RBM12: variants seen among roughly 807,000 people sequenced by gnomAD.
The protein encoded by RBM12 is RNA binding motif protein 12, also known as RNA-binding protein 12.
A neutral mutation model predicts 37.2 loss-of-function variants in RBM12; 24 were observed. That is an observed-to-expected ratio of 0.65 (90% CI 0.47 to 0.91). The LOEUF (loss-of-function observed/expected upper bound fraction) is 0.91, where lower values mean the gene tolerates loss of function less well. Ranked by LOEUF, RBM12 falls within the 40% of genes least tolerant of loss-of-function variation. RBM12 has a pLI of 0.00. For synonymous variants in RBM12, 420 were observed against 425.2 expected (o/e 0.99, Z 0.15); for missense variants, 1,061 against 1,183.2 (o/e 0.90, Z 1.52).
chr20:35,657,097 C>T (rs535930961), intron 2 of RBM12, among the ~76,000 whole-genome samples: 26 of 152,202 alleles, frequency 1.7e-4, no homozygotes, highest in African/African-American at 6.0e-4. Context: ...AATAAAAAGC[C>T]ACCTTCAAAT....
chr20:35,660,448 A>G (rs116116113), intron 1 of RBM12, among the ~76,000 whole-genome samples: 4,882 of 152,002 alleles, frequency 0.032, 268 homozygotes, highest in African/African-American at 0.11. Flanking sequence ...TTAACTCCTC[A>G]CCTCAAGTGA....
In RBM12 at chr20:35,653,454, A is replaced by G; in HGVS notation, c.1869T>C (p.Asp623=). 1 of 1,614,098 alleles carries G rather than the reference A, an allele frequency of 6.2e-7. No individual in the cohort carries two copies. Among genetic ancestry groups the G allele is most frequent in the Non-Finnish European group, 8.5e-7 (1 of 1,180,000 alleles). The change falls in exon 3 of 3, where the codon GAT becomes GAC. Residue 623 remains aspartate (D), a synonymous_variant. Transcript: ENST00000374114. ...GGGGATTTTTCTCAATCTCTCTCAT[A>G]TCTTCTAGGGTAACTACATGAACAA... The part of the protein sequence containing the change: ...EAFVHVVTLE[D]MREIEKNPPA...
chr20:35,652,695 A>G lies in RBM12; in HGVS notation c.2628T>C (p.Phe876=). ...AGCCTGGGATTACTTGATAGCCATA[A>G]AAGAAATCTAAAATCTCATCAATAG... ...TVSIDEILDF[F]YGYQVIPGSV... The change falls in exon 3 of 3, where the codon TTT becomes TTC. Residue 876 remains phenylalanine (F), a synonymous_variant. Coordinates refer to ENST00000374114, the MANE Select transcript of RBM12 (RefSeq NM_006047.6). The G allele has an allele frequency of 6.2e-7, 1 of 1,614,156 alleles. No individual in the cohort carries two copies. The highest frequency in any genetic ancestry group is 1.1e-5 in the South Asian group (1 of 91,082).
In RBM12 at chr20:35,649,902, C is replaced by A. The variant is rs2033385678; in HGVS notation, c.*2622G>T. ...TCATGATAGTGTTTACAAATGCACA[C>A]AACTTTGAGCAAAGCTTTACAAATC... On this transcript the variant is annotated 3_prime_UTR_variant, in exon 3 of 3. Coordinates refer to ENST00000374114, the MANE Select transcript of RBM12 (RefSeq NM_006047.6). 1 of 152,336 alleles carries A rather than the reference C, an allele frequency of 6.6e-6. No homozygotes were observed. The highest frequency in any genetic ancestry group is 2.4e-5 in the African/African-American group (1 of 41,442). 9.4% of individuals were successfully genotyped at this position (152,336 alleles called of 1,614,324 possible).
chr20:35,652,725 A>G lies in RBM12; in HGVS notation c.2598T>C (p.Thr866=), dbSNP rs2033606527. 2 of 1,613,924 alleles carry G rather than the reference A, an allele frequency of 1.2e-6. No homozygotes were observed. Among genetic ancestry groups the G allele is most frequent in the African/African-American group, 1.3e-5 (1 of 74,932 alleles). Residue 866 remains threonine (T), a synonymous_variant, in exon 3 of 3, where the codon ACT becomes ACC. Coordinates refer to ENST00000374114, the MANE Select transcript of RBM12 (RefSeq NM_006047.6). ...AATCTAAAATCTCATCAATAGACAC[A>G]GTAAAGGGCATGTTTTGCACTTTAA... The part of the protein sequence containing the change: ...TVIKVQNMPF[T]VSIDEILDFF...
chr20:35,659,579 G>A (rs2034117044), intron 1 of RBM12, among the ~76,000 whole-genome samples: 1 of 152,098 alleles, frequency 6.6e-6, no homozygotes, highest in Non-Finnish European at 1.5e-5. Flanking sequence ...AATTCCACTG[G>A]AGCTCAAAAT....
At chr20:35,660,463 C>A (rs1273760703) in intron 1 of RBM12, among the ~76,000 whole-genome samples, 1 of 152,180 alleles carries the variant, frequency 6.6e-6, no homozygotes, top group Non-Finnish European at 1.5e-5. Flanking sequence ...AAGTGATCCA[C>A]CCGCCTCAGC....
Position 35,654,526 on chromosome 20 carries a change from A to G in RBM12, c.797T>C (p.Met266Thr), listed in dbSNP as rs1465646434. The G allele has an allele frequency of 6.2e-7, 1 of 1,614,230 alleles. No individual in the cohort carries two copies. The highest frequency in any genetic ancestry group is 1.7e-5 in the Admixed American group (1 of 60,030). ...PAGMNGSGAP[M>T]NLNNNLNPMF... ...AGGATTCAGATTATTGTTCAAATTC[A>G]TAGGTGCTCCAGAGCCATTCATTCC... Residue 266 changes from methionine to threonine, a missense_variant, in exon 3 of 3, where the codon ATG (methionine) becomes ACG (threonine). Met to Thr is a moderately conservative substitution (Grantham distance 81, BLOSUM62 -1). Coordinates refer to ENST00000374114, the MANE Select transcript of RBM12 (RefSeq NM_006047.6).
intron 1 of RBM12, among the ~76,000 whole-genome samples, chr20:35,660,982 A>G (rs1158291120): frequency 6.6e-6 from 1 of 152,246 alleles, no homozygotes. Context: ...TTCTCATTCC[A>G]CAAGGCAAGG....
chr20:35,654,695 C>A lies in RBM12; in HGVS notation c.628G>T (p.Val210Phe). 6.2e-7 allele frequency: 1 copy of A among 1,613,646 alleles called. No individual in the cohort carries two copies. The highest frequency in any genetic ancestry group is 8.5e-7 in the Non-Finnish European group (1 of 1,179,710). ...GGCAATGTAGGTACTGGAGGAGGAA[C>A]TGGAATTGGGGGAATGGATGGCATT... ...PPMPSIPPIP[V>F]PPPVPTLPPV... The change falls in exon 3 of 3, where the codon GTT becomes TTT. Residue 210 changes from valine (V) to phenylalanine (F), a missense_variant. Transcript: ENST00000374114.
At position 35,652,812 on chromosome 20, in the gene RBM12, TGGGCCAGGGCCGGGGCCG is replaced by T. The variant is rs2033616751; in HGVS notation, c.2493_2510del (p.Gly832_Pro837del). 6.3e-7 allele frequency: 1 copy of T among 1,587,686 alleles called. No individual in the cohort carries two copies. The highest frequency in any genetic ancestry group is 8.6e-7 in the Non-Finnish European group (1 of 1,162,092). On this transcript the variant is annotated inframe_deletion, in exon 3 of 3. Coordinates refer to ENST00000374114, the MANE Select transcript of RBM12 (RefSeq NM_006047.6). ...AGCCAGGGGGACCACCAATATGGAT[TGGGCCAGGGCCGGGGCCG>T]GGGCCGGGGCCAGGCCCAAAAGCTG...
At chr20:35,655,400 T>C in intron 2 of RBM12, 56 bp from the exon 3 acceptor site, 2 of 1,420,066 alleles carry the variant, frequency 1.4e-6, no homozygotes, top group Non-Finnish European at 9.5e-7. Context: ...ACACCAAGTT[T>C]TTAGCTACAA....
At chr20:35,659,047 A>T in intron 1 of RBM12, 33 bp from the exon 2 acceptor site, 1 of 715,404 alleles carries the variant, frequency 1.4e-6, no homozygotes, top group South Asian at 1.5e-5. Context: ...GCAAAAATCA[A>T]TGCAGGAAAC....
At chr20:35,657,414 T>A (rs1292145618) in intron 2 of RBM12, among the ~76,000 whole-genome samples, 1 of 152,160 alleles carries the variant, frequency 6.6e-6, no homozygotes, top group Admixed American at 6.5e-5. Flanking sequence ...AAACGGTTAA[T>A]CACTTTGTAT....
In RBM12 at chr20:35,652,856, G is replaced by C. The variant is rs1172596893; in HGVS notation, c.2467C>G (p.Pro823Ala). ...GSAPGHLGGPPAFGPGPGPGP... is the reference protein window; with the variant it reads ...GSAPGHLGGPAAFGPGPGPGP... ...GGGCCGGGGCCAGGCCCAAAAGCTG[G>C]TGGCCCACCCAAATGCCCAGGGGCA... is the stretch of plus-strand genomic sequence containing the variant. Residue 823 changes from proline (P) to alanine (A), a missense_variant, in exon 3 of 3, where the codon CCA becomes GCA. This residue lies in a region of RBM12 where 517 missense variants were observed against 534.0 expected (regional missense o/e 0.97). Coordinates refer to ENST00000374114, the MANE Select transcript of RBM12 (RefSeq NM_006047.6). 1.2e-6 allele frequency: 2 copies of C among 1,611,246 alleles called. No homozygotes were observed. Among genetic ancestry groups the C allele is most frequent in the African/African-American group, 2.7e-5 (2 of 74,894 alleles).
rs2033459067 is a variant in RBM12, at chr20:35,650,865, T to C, written c.*1659A>G. The C allele has an allele frequency of 6.6e-6, 1 of 152,652 alleles. No individual in the cohort carries two copies. The allele number at this position is 152,652 out of a possible 1,614,324, so 9.5% of individuals were successfully genotyped here. On this transcript the variant is annotated 3_prime_UTR_variant, in exon 3 of 3. Transcript: ENST00000374114. Reference sequence around the variant, plus strand: ...TATATAGTTTAATAGGAAATACTTATTTTAAAAGACTGACCCCTTTGTAAC... The same window carrying C: ...TATATAGTTTAATAGGAAATACTTACTTTAAAAGACTGACCCCTTTGTAAC...
intron 1 of RBM12, 47 bp from the exon 2 acceptor site, chr20:35,659,061 AAAC>A: frequency 1.4e-6 from 1 of 714,698 alleles, no homozygotes; most frequent in African/African-American, 1.8e-5. Flanking sequence ...AGGAAACACA[AAAC>A]AACACGCACA....
At chr20:35,661,312 C>G (rs1478027250) in intron 1 of RBM12, among the ~76,000 whole-genome samples, 1 of 152,186 alleles carries the variant, frequency 6.6e-6, no homozygotes, top group Admixed American at 6.5e-5. Context: ...ACTACTATTC[C>G]TGTATTCTAA....
Position 35,653,003 on chromosome 20 carries a change from C to T in RBM12, c.2320G>A (p.Gly774Ser). 1 of 1,613,842 alleles carries T rather than the reference C, an allele frequency of 6.2e-7. No individual in the cohort carries two copies. The highest frequency in any genetic ancestry group is 1.1e-5 in the South Asian group (1 of 91,088). The change falls in exon 3 of 3, where the codon GGT (glycine) becomes AGT (serine). Residue 774 changes from glycine (G) to serine (S), a missense_variant. Transcript: ENST00000374114. ...GLGLDVPGFG[G>S]GPNNLSGPSG... ...GGCCCACTTAAATTGTTTGGTCCACCTCCAAAACCCGGAACATCCAGTCCT... is the reference window on the plus strand; with the variant it reads ...GGCCCACTTAAATTGTTTGGTCCACTTCCAAAACCCGGAACATCCAGTCCT...
Sources: allele counts gnomAD v4.1 joint callset (sites outside exome capture counted in the v4.1 genomes callset), GRCh38; gene constraint gnomAD v4.1.1; regional missense constraint gnomAD v4.1.1; transcripts MANE v1.5; gene names NCBI Gene and HGNC (gene_info 2026-07-23, HGNC 2026-07-21).